ROBO2: variants seen among roughly 807,000 people sequenced by gnomAD.
ROBO2 encodes roundabout guidance receptor 2.
In ROBO2, 53 loss-of-function variants were observed where a neutral mutation model predicts 160.8. That is an observed-to-expected ratio of 0.33 (90% confidence interval 0.26 to 0.41). ROBO2 has a LOEUF of 0.41. Among genes scored for constraint, ROBO2 ranks in the 10% least tolerant of loss-of-function variants. The probability of loss-of-function intolerance (pLI) is 1.00; values close to 1 mark genes in which losing one functional copy is unlikely to be tolerated. For missense variants in ROBO2, 1,577 were observed against 1,722.4 expected, an observed-to-expected ratio of 0.92 and a Z score of 1.49; for synonymous variants, 664 against 611.7, an observed-to-expected ratio of 1.09 and a Z score of -1.26.
chr3:77,580,032 TC>T lies in ROBO2; in HGVS notation c.2417del (p.Pro806GlnfsTer7). ...CGGTCCGTAATAATTGGTGGATTAT[TC>T]CCAGGTATTCAATACCGGGTAGAGG... is the stretch of plus-strand genomic sequence containing the variant. On this transcript the variant is annotated frameshift_variant, in exon 16 of 26. Transcript: ENST00000461745. LOFTEE classifies it high-confidence loss of function. 6.2e-7 allele frequency: 1 copy of T among 1,613,912 alleles called. No homozygotes were observed. The highest frequency in any genetic ancestry group is 1.1e-5 in the South Asian group (1 of 91,086).
At chr3:75,917,213 A>G (rs1485517383) in intron 1 of ROBO2, among the ~76,000 whole-genome samples, 1 of 151,708 alleles carries the variant, frequency 6.6e-6, no homozygotes, top group African/African-American at 2.4e-5. Flanking sequence ...GACAGGCCCC[A>G]GTGTGTGATG....
intron 2 of ROBO2, among the ~76,000 whole-genome samples, chr3:77,121,030 C>T (rs1423152801): frequency 6.6e-6 from 1 of 152,000 alleles, no homozygotes; most frequent in Non-Finnish European, 1.5e-5. Context: ...CTGCAACCTC[C>T]ACCTCCTGGG....
chr3:77,311,079 A>G (rs1279113856), intron 2 of ROBO2, among the ~76,000 whole-genome samples: 1 of 152,180 alleles, frequency 6.6e-6, no homozygotes, highest in Non-Finnish European at 1.5e-5. Context: ...TTATTTAATC[A>G]AAACAAAATC....
chr3:76,125,300 G>A (rs988564269), intron 2 of ROBO2, among the ~76,000 whole-genome samples: 3 of 152,116 alleles, frequency 2.0e-5, no homozygotes, highest in African/African-American at 7.2e-5. Flanking sequence ...TAGCACAACA[G>A]TGAACACATG....
At chr3:76,464,633 A>G (rs2078270038) in intron 2 of ROBO2, among the ~76,000 whole-genome samples, 1 of 152,108 alleles carries the variant, frequency 6.6e-6, no homozygotes, top group African/African-American at 2.4e-5. Context: ...ACAATAATAT[A>G]AACTCCTTTA....
intron 2 of ROBO2, among the ~76,000 whole-genome samples, chr3:76,099,000 A>T (rs2069570599): frequency 6.6e-6 from 1 of 152,108 alleles, no homozygotes. Flanking sequence ...TCACATTTTC[A>T]CTCATAATCA....
intron 2 of ROBO2, among the ~76,000 whole-genome samples, chr3:77,377,029 A>G (rs1289242189): frequency 6.6e-6 from 1 of 152,186 alleles, no homozygotes; most frequent in Non-Finnish European, 1.5e-5. Flanking sequence ...TGTAAATCTC[A>G]TAAGTTTGGA....
At chr3:76,409,052 G>T (rs1315286794) in intron 2 of ROBO2, among the ~76,000 whole-genome samples, 1 of 152,022 alleles carries the variant, frequency 6.6e-6, no homozygotes, top group Non-Finnish European at 1.5e-5. Context: ...AGTCAAAAAT[G>T]TTTAGAAGAC....
At chr3:75,938,042 C>T (rs1947878160) in intron 2 of ROBO2, among the ~76,000 whole-genome samples, 1 of 151,420 alleles carries the variant, frequency 6.6e-6, no homozygotes, top group Non-Finnish European at 1.5e-5. Context: ...TTGTGTTTTA[C>T]ATTTTAAAAT....
At chr3:77,533,708 A>C (rs2091910959) in intron 6 of ROBO2, among the ~76,000 whole-genome samples, 2 of 152,158 alleles carry the variant, frequency 1.3e-5, no homozygotes, top group African/African-American at 4.8e-5. Flanking sequence ...TCTGATTTAA[A>C]GATCCAGAGT....
At chr3:77,333,979 GCT>G (rs1491126317) in intron 2 of ROBO2, among the ~76,000 whole-genome samples, 1 of 152,142 alleles carries the variant, frequency 6.6e-6, no homozygotes, top group Non-Finnish European at 1.5e-5. Flanking sequence ...AGCTCTTTAA[GCT>G]CTTTCTTTCT....
chr3:76,187,118 G>A (rs1701801808), intron 2 of ROBO2, among the ~76,000 whole-genome samples: 1 of 151,654 alleles, frequency 6.6e-6, no homozygotes, highest in Admixed American at 6.6e-5. Flanking sequence ...TCTTTGTGCT[G>A]AAGTTTTCCA....
In ROBO2 at chr3:76,273,539, G is replaced by A. The variant is rs548756865; in HGVS notation, c.109+335937G>A. Among the ~76,000 whole-genome samples the A allele has an allele frequency of 3.9e-5, 6 of 152,164 alleles. No homozygotes were observed. In the South Asian group the frequency reaches 1.0e-3, roughly 26 times the overall value. ...GCCTCAGGAAACTTACAGTCATGGT[G>A]GAAAGAGAAGCAAATACGTCATTCT... On this transcript the variant is annotated intron_variant, in intron 2 of 26. Coordinates refer to the ROBO2 transcript ENST00000487694.
chr3:77,499,965 A>T (rs1257503965), intron 5 of ROBO2, among the ~76,000 whole-genome samples: 1 of 152,032 alleles, frequency 6.6e-6, no homozygotes, highest in African/African-American at 2.4e-5. Flanking sequence ...AATTATATAG[A>T]TTCATTTATA....
At chr3:76,596,317 C>T (rs1225581302) in intron 2 of ROBO2, among the ~76,000 whole-genome samples, 1 of 152,000 alleles carries the variant, frequency 6.6e-6, no homozygotes, top group African/African-American at 2.4e-5. Context: ...TTAATACAAC[C>T]AGTGGCACCA....
intron 2 of ROBO2, among the ~76,000 whole-genome samples, chr3:76,003,038 G>A (rs925840024): frequency 2.0e-5 from 3 of 152,138 alleles, no homozygotes; most frequent in Admixed American, 1.3e-4. Flanking sequence ...CTTTCTGGAG[G>A]TTTTTAGAAG....
intron 2 of ROBO2, among the ~76,000 whole-genome samples, chr3:77,124,035 C>T (rs954241495): frequency 1.1e-4 from 16 of 142,196 alleles, no homozygotes; most frequent in African/African-American, 3.0e-4. Context: ...GTAAAACATA[C>T]GTGTGTAAAA....
intron 21 of ROBO2, 37 bp downstream of exon 22, chr3:77,607,991 C>T (rs2094558805): frequency 6.3e-7 from 1 of 1,599,272 alleles, no homozygotes; most frequent in African/African-American, 1.3e-5. Flanking sequence ...ATGGCCAGGG[C>T]TCTCCTCTCC....
intron 2 of ROBO2, among the ~76,000 whole-genome samples, chr3:76,461,514 G>T (rs1361606040): frequency 1.3e-5 from 2 of 152,174 alleles, no homozygotes; most frequent in Non-Finnish European, 2.9e-5. Context: ...GTGGCTTAAA[G>T]ATTTAAAGGT....
Sources: allele counts gnomAD v4.1 joint callset (sites outside exome capture counted in the v4.1 genomes callset), GRCh38; gene constraint gnomAD v4.1.1; transcripts MANE v1.5; gene names NCBI Gene and HGNC (gene_info 2026-07-23, HGNC 2026-07-21).